IQGAP1: variants seen among roughly 807,000 people sequenced by gnomAD.
IQGAP1 encodes ras GTPase-activating-like protein IQGAP1.
Under a neutral mutation model 215.6 loss-of-function variants are expected in IQGAP1, and 66 were observed. The observed-to-expected ratio is 0.31, with a 90% CI of 0.25 to 0.38. The LOEUF (loss-of-function observed/expected upper bound fraction) is 0.38. Ranked by LOEUF, IQGAP1 falls within the 10% of genes least tolerant of loss-of-function variation. IQGAP1 has a pLI of 1.00. For synonymous variants in IQGAP1, 772 were observed against 728.7 expected (o/e 1.06, Z -0.96); for missense variants, 1,712 against 1,997.1 (o/e 0.86, Z 2.72).
chr15:90,406,210 C>A (rs139182299), intron 2 of IQGAP1, among the ~76,000 whole-genome samples: 9 of 152,112 alleles, frequency 5.9e-5, no homozygotes, highest in African/African-American at 2.2e-4. Context: ...GAACACTTAG[C>A]GAGAAAAGTG....
intron 6 of IQGAP1, among the ~76,000 whole-genome samples, chr15:90,439,876 A>G (rs903618941): frequency 6.6e-6 from 1 of 152,282 alleles, no homozygotes; most frequent in African/African-American, 2.4e-5. Flanking sequence ...CTATAGCCAG[A>G]TGCTTGAAGA....
At chr15:90,402,526 G>A (rs1212076098) in intron 2 of IQGAP1, among the ~76,000 whole-genome samples, 4 of 152,190 alleles carry the variant, frequency 2.6e-5, no homozygotes, top group South Asian at 2.1e-4. Context: ...CTTCTGTTGG[G>A]GCAGCTGTTT....
At chr15:90,488,330 A>C (rs977209208) in intron 33 of IQGAP1, among the ~76,000 whole-genome samples, 3 of 152,180 alleles carry the variant, frequency 2.0e-5, no homozygotes, top group Non-Finnish European at 4.4e-5. Context: ...GACTACTTAT[A>C]ATACCTACTA....
intron 2 of IQGAP1, among the ~76,000 whole-genome samples, chr15:90,399,590 TTTC>T (rs1964777066): frequency 6.6e-6 from 1 of 152,236 alleles, no homozygotes; most frequent in South Asian, 2.1e-4. Flanking sequence ...CGATTTGTAA[TTTC>T]TTCTATCAAC....
At chr15:90,471,603 G>A (rs560795716) in intron 18 of IQGAP1, among the ~76,000 whole-genome samples, 11 of 151,918 alleles carry the variant, frequency 7.2e-5, no homozygotes, top group African/African-American at 2.4e-4. Flanking sequence ...AGGTTCAAGC[G>A]ATTCTCCTGC....
At chr15:90,473,119 CTT>C in intron 19 of IQGAP1, 109 bp downstream of exon 19, 1 of 967,086 alleles carries the variant, frequency 1.0e-6, no homozygotes, top group Non-Finnish European at 1.6e-6. Flanking sequence ...GTGCTGGACT[CTT>C]AGTCTTCTCT....
Position 90,492,723 on chromosome 15 carries a change from T to C in IQGAP1, c.4628+12T>C, listed in dbSNP as rs1201685228. 6.3e-7 allele frequency: 1 copy of C among 1,595,978 alleles called. No homozygotes were observed. Among genetic ancestry groups the C allele is most frequent in the Non-Finnish European group, 8.5e-7 (1 of 1,173,976 alleles). On this transcript the variant is annotated intron_variant, in intron 35 of 37. Coordinates refer to ENST00000268182, the MANE Select transcript of IQGAP1 (RefSeq NM_003870.4). ...GCCAGCAAGGGCAAGTGAGTATTTT[T>C]TCTTTTTAAAGAATCAATGTCAGAA...
Position 90,474,586 on chromosome 15 carries a change from C to G in IQGAP1, c.2677C>G (p.Arg893Gly), listed in dbSNP as rs200076350. The G allele has an allele frequency of 3.5e-5, 57 of 1,613,634 alleles. No homozygotes were observed. The highest frequency in any genetic ancestry group is 3.4e-6 in the Non-Finnish European group (4 of 1,179,708). Residue 893 changes from arginine (R) to glycine (G), a missense_variant, in exon 23 of 38, where the codon CGG becomes GGG. Arg to Gly is a moderately radical substitution (Grantham distance 125, BLOSUM62 -2). Transcript: ENST00000268182. ...GGAGGAGCTTGACCTTATGAAGATG[C>G]GGGAAGAGGTTATCACCCTCATTCG... The part of the protein sequence containing the change: ...FQEELDLMKM[R>G]EEVITLIRSN...
chr15:90,439,614 G>A (rs1462033496), intron 6 of IQGAP1, among the ~76,000 whole-genome samples: 1 of 152,182 alleles, frequency 6.6e-6, no homozygotes, highest in African/African-American at 2.4e-5. Flanking sequence ...AACATGATTA[G>A]TGAGTCTCAG....
At chr15:90,488,407 A>ATT (rs147648686) in intron 33 of IQGAP1, among the ~76,000 whole-genome samples, 10 of 150,612 alleles carry the variant, frequency 6.6e-5, no homozygotes, top group East Asian at 5.8e-4. Context: ...GTATTGTTGT[A>ATT]TTTTTTTTTC....
At chr15:90,456,346 C>T in intron 15 of IQGAP1, 31 bp downstream of exon 15, 4 of 1,608,488 alleles carry the variant, frequency 2.5e-6, no homozygotes, top group South Asian at 2.2e-5. Context: ...TCTTTATGTT[C>T]AGAGCACCTC....
intron 2 of IQGAP1, among the ~76,000 whole-genome samples, chr15:90,412,575 C>T (rs1449289847): frequency 6.6e-6 from 1 of 152,168 alleles, no homozygotes; most frequent in Non-Finnish European, 1.5e-5. Flanking sequence ...ATCCTGATTC[C>T]CCTCTTTCTG....
intron 5 of IQGAP1, among the ~76,000 whole-genome samples, chr15:90,438,257 T>G (rs1048023788): frequency 7.2e-5 from 11 of 152,220 alleles, no homozygotes; most frequent in Non-Finnish European, 1.6e-4. Flanking sequence ...TAAAGTACCC[T>G]TCTGATCTCT....
intron 2 of IQGAP1, among the ~76,000 whole-genome samples, chr15:90,395,556 G>A (rs1008715848): frequency 3.3e-5 from 5 of 152,268 alleles, no homozygotes; most frequent in East Asian, 3.9e-4. Context: ...TCCTGACCTC[G>A]TGATCCGCCC....
intron 1 of IQGAP1, among the ~76,000 whole-genome samples, chr15:90,388,862 A>G (rs933245074): frequency 6.6e-6 from 1 of 152,180 alleles, no homozygotes; most frequent in Non-Finnish European, 1.5e-5. Context: ...CAGGCTAGCT[A>G]CGAGGTGCCG....
intron 2 of IQGAP1, among the ~76,000 whole-genome samples, chr15:90,405,805 A>G (rs572126753): frequency 5.0e-4 from 67 of 133,550 alleles, no homozygotes; most frequent in Non-Finnish European, 8.9e-4. Context: ...TTGAGGGACT[A>G]TTTTTTCTTT....
intron 18 of IQGAP1, among the ~76,000 whole-genome samples, chr15:90,469,717 G>A (rs2238327): frequency 0.42 from 64,051 of 151,994 alleles, 15,543 homozygotes; most frequent in African/African-American, 0.68. Flanking sequence ...GTAACATAGC[G>A]TAGATAATAT....
chr15:90,435,534 C>G (rs1334310358), intron 5 of IQGAP1, among the ~76,000 whole-genome samples: 1 of 152,172 alleles, frequency 6.6e-6, no homozygotes, highest in African/African-American at 2.4e-5. Flanking sequence ...CAGATTAATT[C>G]TGAGTATTTT....
chr15:90,442,579 C>T (rs1450774149), intron 8 of IQGAP1, among the ~76,000 whole-genome samples: 1 of 152,144 alleles, frequency 6.6e-6, no homozygotes, highest in Non-Finnish European at 1.5e-5. Flanking sequence ...TTCAGTTTCC[C>T]AGTTAGGTGC....
Sources: allele counts gnomAD v4.1 joint callset (sites outside exome capture counted in the v4.1 genomes callset), GRCh38; gene constraint gnomAD v4.1.1; transcripts MANE v1.5; gene names NCBI Gene and HGNC (gene_info 2026-07-23, HGNC 2026-07-21).